NLGN4X: variants seen among roughly 807,000 people sequenced by gnomAD.
The protein encoded by NLGN4X is neuroligin 4 X-linked.
Under a neutral mutation model 40.3 loss-of-function variants are expected in NLGN4X, and 3 were observed. The ratio of observed to expected loss-of-function variants is 0.07; its 90% CI spans 0.03 to 0.19. The LOEUF (loss-of-function observed/expected upper bound fraction) is 0.19, where lower values mean the gene tolerates loss of function less well. Among genes scored for constraint, NLGN4X ranks in the 10% least tolerant of loss-of-function variants. The probability of loss-of-function intolerance (pLI) is 1.00; values close to 1 mark genes in which losing one functional copy is unlikely to be tolerated. For synonymous variants in NLGN4X, 270 were observed against 306.8 expected, an observed-to-expected ratio of 0.88 and a Z score of 1.25; for missense variants, 382 against 708.3, an observed-to-expected ratio of 0.54 and a Z score of 5.23.
At chrX:6,148,441 T>C (rs763852083) in intron 2 of NLGN4X, among the ~76,000 whole-genome samples, 1 of 112,096 alleles carries the variant, frequency 8.9e-6, no homozygotes, top group Non-Finnish European at 1.9e-5. Flanking sequence ...CATTTCAATA[T>C]GTTGTGGATG....
intron 3 of NLGN4X, among the ~76,000 whole-genome samples, chrX:5,979,043 A>C (rs762096498): frequency 9.0e-6 from 1 of 111,205 alleles, no homozygotes; most frequent in Admixed American, 9.6e-5. Flanking sequence ...TATATATATC[A>C]CACCCCAAAG....
intron 2 of NLGN4X, among the ~76,000 whole-genome samples, chrX:6,050,186 T>C (rs2037446100): frequency 8.9e-6 from 1 of 112,018 alleles, no homozygotes; most frequent in Admixed American, 9.4e-5. Flanking sequence ...TATGCAACAA[T>C]TAATTCAATA....
At chrX:5,948,518 G>A (rs771983161) in intron 3 of NLGN4X, among the ~76,000 whole-genome samples, 1 of 111,920 alleles carries the variant, frequency 8.9e-6, no homozygotes, top group African/African-American at 3.2e-5. Context: ...GCTTGCAGTT[G>A]CACAGTGCTA....
intron 2 of NLGN4X, among the ~76,000 whole-genome samples, chrX:6,064,648 G>A (rs978716842): frequency 4.5e-5 from 5 of 111,043 alleles, no homozygotes; most frequent in Non-Finnish European, 9.4e-5. Flanking sequence ...AGCAAATGAG[G>A]CAAGTGCAGC....
chrX:5,900,033 T>C (rs2031755388), intron 5 of NLGN4X, among the ~76,000 whole-genome samples: 1 of 112,343 alleles, frequency 8.9e-6, no homozygotes, highest in African/African-American at 3.2e-5. Context: ...TGGAAGTCTT[T>C]AGGCTTCAAG....
chrX:5,931,422 T>A (rs1472911783), intron 3 of NLGN4X, among the ~76,000 whole-genome samples: 1 of 111,874 alleles, frequency 8.9e-6, no homozygotes, highest in Non-Finnish European at 1.9e-5. Context: ...AATAAGTATA[T>A]ATGTTGCATT....
chrX:6,113,853 CCT>C lies in NLGN4X; in HGVS notation c.472+37140_472+37141del, dbSNP rs753752593. ...TGTTGTTTTTGAGATGGAGTCTTGCCCTGTCACCCAGGCTGGAAGTGCAGTGG... is the reference window on the plus strand; with the variant it reads ...TGTTGTTTTTGAGATGGAGTCTTGCCGTCACCCAGGCTGGAAGTGCAGTGG... On this transcript the variant is annotated intron_variant, in intron 2 of 5. Transcript: ENST00000381095. 5.0e-3 allele frequency among the ~76,000 whole-genome samples: 551 copies of C among 111,006 alleles called. 4 individuals carry two copies. Among genetic ancestry groups the C allele is most frequent in the African/African-American group, 0.018 (538 of 30,550 alleles).
intron 2 of NLGN4X, among the ~76,000 whole-genome samples, chrX:6,130,088 T>C (rs769595506): frequency 9.1e-6 from 1 of 110,459 alleles, no homozygotes; most frequent in East Asian, 2.9e-4. Context: ...GAGGTCTCGC[T>C]ATGTTGCCCA....
intron 3 of NLGN4X, among the ~76,000 whole-genome samples, chrX:5,942,252 T>C (rs962667429): frequency 5.5e-5 from 6 of 109,610 alleles, no homozygotes; most frequent in Non-Finnish European, 1.1e-4. Context: ...TAAGACCCTG[T>C]CTCAAAAAAG....
At chrX:5,941,664 G>C (rs941270851) in intron 3 of NLGN4X, among the ~76,000 whole-genome samples, 1 of 112,093 alleles carries the variant, frequency 8.9e-6, no homozygotes, top group Admixed American at 9.5e-5. Context: ...TTGCCAAATG[G>C]CTGATTTATG....
chrX:5,983,723 A>G (rs781103565), intron 3 of NLGN4X, among the ~76,000 whole-genome samples: 1 of 112,207 alleles, frequency 8.9e-6, no homozygotes, highest in African/African-American at 3.2e-5. Flanking sequence ...GGATTGCTTG[A>G]GGCCAGGAAT....
chrX:5,900,309 G>A (rs1007703949), intron 5 of NLGN4X, among the ~76,000 whole-genome samples: 1 of 111,288 alleles, frequency 9.0e-6, no homozygotes, highest in East Asian at 2.8e-4. Flanking sequence ...ATATGAAGAC[G>A]GCCATGTGGA....
intron 1 of NLGN4X, among the ~76,000 whole-genome samples, chrX:6,219,174 T>C (rs73627055): frequency 0.15 from 15,061 of 99,411 alleles, 1,072 homozygotes; most frequent in African/African-American, 0.26. Context: ...TATATATATA[T>C]ACACACACAC....
At chrX:6,147,000 C>G (rs886855312) in intron 2 of NLGN4X, among the ~76,000 whole-genome samples, 2 of 111,393 alleles carry the variant, frequency 1.8e-5, no homozygotes, top group African/African-American at 6.5e-5. Context: ...CCATATTGGC[C>G]AGGCTGGTCA....
At chrX:5,897,493 A>G (rs191350588) in intron 5 of NLGN4X, among the ~76,000 whole-genome samples, 3 of 111,439 alleles carry the variant, frequency 2.7e-5, no homozygotes. Context: ...AATCTACCTT[A>G]TTTCTACAAT....
chrX:6,164,928 G>A (rs2040469046), intron 1 of NLGN4X, among the ~76,000 whole-genome samples: 1 of 111,324 alleles, frequency 9.0e-6, no homozygotes, highest in African/African-American at 3.3e-5. Context: ...CAAGGTGAGG[G>A]CCTTACAAGG....
At chrX:5,935,726 G>A (rs1411689226) in intron 3 of NLGN4X, among the ~76,000 whole-genome samples, 1 of 111,406 alleles carries the variant, frequency 9.0e-6, no homozygotes, top group Non-Finnish European at 1.9e-5. Flanking sequence ...TATAACCATC[G>A]GGTGAGGTTC....
intron 2 of NLGN4X, among the ~76,000 whole-genome samples, chrX:6,052,213 ATC>A (rs778847482): frequency 4.8e-4 from 54 of 111,469 alleles, no homozygotes; most frequent in African/African-American, 1.7e-3. Flanking sequence ...CCTTGATAGC[ATC>A]TCTGTGTGGC....
At chrX:6,164,268 C>A (rs2040457237) in intron 1 of NLGN4X, among the ~76,000 whole-genome samples, 1 of 112,546 alleles carries the variant, frequency 8.9e-6, no homozygotes, top group Admixed American at 9.4e-5. Context: ...ATTCTAGATA[C>A]CCAGTCACTT....
Sources: allele counts gnomAD v4.1 joint callset (sites outside exome capture counted in the v4.1 genomes callset), GRCh38; gene constraint gnomAD v4.1.1; transcripts MANE v1.5; gene names NCBI Gene and HGNC (gene_info 2026-07-23, HGNC 2026-07-21).